The following FER variants were observed in gnomAD, a reference collection of about 807,000 sequenced individuals.
The protein encoded by FER is tyrosine-protein kinase Fer.
FER carries 63 observed loss-of-function variants against 111.0 expected under a neutral mutation model. That is an observed-to-expected ratio of 0.57 (90% confidence interval 0.46 to 0.70). FER has a LOEUF of 0.70. Among genes scored for constraint, FER ranks in the 30% least tolerant of loss-of-function variants. FER has a pLI of 0.00. For missense variants in FER, 914 were observed against 954.0 expected, an observed-to-expected ratio of 0.96 and a Z score of 0.55; for synonymous variants, 327 against 313.9, an observed-to-expected ratio of 1.04 and a Z score of -0.44.
intron 17 of FER, among the ~76,000 whole-genome samples, chr5:109,144,443 G>T (rs898293838): frequency 6.6e-6 from 1 of 152,102 alleles, no homozygotes; most frequent in Admixed American, 6.6e-5. Flanking sequence ...TCCTCTCAGA[G>T]CCCTGCACTC....
intron 16 of FER, among the ~76,000 whole-genome samples, chr5:109,059,143 G>C (rs1561840655): frequency 2.0e-5 from 3 of 151,894 alleles, no homozygotes; most frequent in South Asian, 4.2e-4. Flanking sequence ...ACCACTTTTT[G>C]TTCTCATCAA....
chr5:109,002,138 G>C (rs964742664), intron 13 of FER, among the ~76,000 whole-genome samples: 1 of 150,994 alleles, frequency 6.6e-6, no homozygotes, highest in African/African-American at 2.4e-5. Context: ...AGTTCATATG[G>C]AACCAAAAAA....
intron 10 of FER, among the ~76,000 whole-genome samples, chr5:108,935,521 G>A (rs1755339053): frequency 6.6e-6 from 1 of 152,094 alleles, no homozygotes; most frequent in African/African-American, 2.4e-5. Flanking sequence ...TAGGTTCTTA[G>A]TGGAAATATC....
At chr5:109,173,590 C>A (rs559276423) in intron 17 of FER, among the ~76,000 whole-genome samples, 1 of 152,298 alleles carries the variant, frequency 6.6e-6, no homozygotes, top group South Asian at 2.1e-4. Context: ...CCTTAAAAGC[C>A]TACTTCATGC....
chr5:108,881,635 T>G (rs201076586), intron 8 of FER, among the ~76,000 whole-genome samples: 1 of 152,176 alleles, frequency 6.6e-6, no homozygotes, highest in East Asian at 1.9e-4. Context: ...AAGATCAAGA[T>G]GTCAACTGAT....
chr5:109,169,372 T>C (rs193208915), intron 17 of FER, among the ~76,000 whole-genome samples: 1 of 152,234 alleles, frequency 6.6e-6, no homozygotes, highest in African/African-American at 2.4e-5. Flanking sequence ...TAAAAATGAA[T>C]TATTATAAAA....
At chr5:108,950,122 A>G (rs1236873635) in intron 11 of FER, among the ~76,000 whole-genome samples, 1 of 152,166 alleles carries the variant, frequency 6.6e-6, no homozygotes, top group East Asian at 1.9e-4. Flanking sequence ...AGTGTCCCTT[A>G]TCAGAGACCC....
intron 17 of FER, among the ~76,000 whole-genome samples, chr5:109,102,049 T>C (rs942631357): frequency 6.6e-6 from 1 of 152,178 alleles, no homozygotes; most frequent in Non-Finnish European, 1.5e-5. Context: ...TTTCAATCTC[T>C]TGCTACTTTT....
At chr5:108,917,081 A>G (rs1171570818) in intron 10 of FER, among the ~76,000 whole-genome samples, 1 of 152,170 alleles carries the variant, frequency 6.6e-6, no homozygotes, top group Non-Finnish European at 1.5e-5. Context: ...CAGTCTTTAT[A>G]AAATAATAAT....
At chr5:109,140,941 T>C (rs1753455870) in intron 17 of FER, among the ~76,000 whole-genome samples, 1 of 152,166 alleles carries the variant, frequency 6.6e-6, no homozygotes, top group Admixed American at 6.6e-5. Flanking sequence ...TCTTCCAAGG[T>C]AAAATTCTGG....
At chr5:109,114,391 G>A (rs1749987175) in intron 17 of FER, among the ~76,000 whole-genome samples, 1 of 152,038 alleles carries the variant, frequency 6.6e-6, no homozygotes, top group South Asian at 2.1e-4. Context: ...AGATATTAAA[G>A]TCAATGGTGC....
At chr5:108,894,902 C>G (rs932510393) in intron 9 of FER, among the ~76,000 whole-genome samples, 3 of 152,114 alleles carry the variant, frequency 2.0e-5, no homozygotes, top group African/African-American at 7.2e-5. Flanking sequence ...CCCAACAGGT[C>G]CCTCTCATGA....
intron 10 of FER, among the ~76,000 whole-genome samples, chr5:108,937,088 C>T (rs1755570564): frequency 1.3e-5 from 2 of 151,692 alleles, no homozygotes; most frequent in Admixed American, 1.3e-4. Context: ...AAATATATTC[C>T]CTTTTATTTA....
intron 13 of FER, among the ~76,000 whole-genome samples, chr5:108,992,274 T>A (rs557670741): frequency 2.0e-5 from 3 of 152,338 alleles, no homozygotes; most frequent in South Asian, 2.1e-4. Flanking sequence ...CATGTCTACT[T>A]CTTCCTACAC....
At chr5:109,014,429 C>G (rs1766746049) in intron 13 of FER, among the ~76,000 whole-genome samples, 1 of 152,106 alleles carries the variant, frequency 6.6e-6, no homozygotes, top group Non-Finnish European at 1.5e-5. Flanking sequence ...CTGTTCTGTT[C>G]CATTGATCTA....
chr5:108,833,950 T>C (rs1240000624), intron 4 of FER, among the ~76,000 whole-genome samples: 1 of 152,112 alleles, frequency 6.6e-6, no homozygotes, highest in Admixed American at 6.5e-5. Flanking sequence ...ATCGAATACT[T>C]TTTGTTGAAA....
intron 2 of FER, among the ~76,000 whole-genome samples, chr5:108,789,286 A>G (rs1431120317): frequency 1.3e-5 from 2 of 152,230 alleles, no homozygotes; most frequent in East Asian, 1.9e-4. Flanking sequence ...GCAGAGGACT[A>G]GCAGAAGATA....
chr5:108,854,874 C>T (rs187074612), intron 5 of FER, among the ~76,000 whole-genome samples: 42 of 131,220 alleles, frequency 3.2e-4, no homozygotes, highest in Admixed American at 2.6e-3. Context: ...ACCCAGGAGG[C>T]GGAGGTTGCA....
intron 10 of FER, among the ~76,000 whole-genome samples, chr5:108,908,021 TTTA>T (rs1263481039): frequency 6.6e-6 from 1 of 152,228 alleles, no homozygotes; most frequent in Non-Finnish European, 1.5e-5. Flanking sequence ...AACATTTTAG[TTTA>T]TTGAGAACAA....
Sources: allele counts gnomAD v4.1 joint callset (sites outside exome capture counted in the v4.1 genomes callset), GRCh38; gene constraint gnomAD v4.1.1; transcripts MANE v1.5; gene names NCBI Gene and HGNC (gene_info 2026-07-23, HGNC 2026-07-21).